PHF20: variants seen among roughly 807,000 people sequenced by gnomAD.
PHF20 encodes the protein glioma-expressed antigen 2.
Under a neutral mutation model 113.5 loss-of-function variants are expected in PHF20, and 23 were observed. The ratio of observed to expected loss-of-function variants is 0.20; its 90% confidence interval spans 0.15 to 0.29. The LOEUF is 0.29. Ranked by LOEUF, PHF20 falls within the 10% of genes least tolerant of loss-of-function variation. The pLI, the probability that PHF20 is intolerant of heterozygous loss-of-function variation, is 1.00. For synonymous variants in PHF20, 434 were observed against 457.3 expected, an observed-to-expected ratio of 0.95 and a Z score of 0.65; for missense variants, 943 against 1,219.6, an observed-to-expected ratio of 0.77 and a Z score of 3.38.
At chr20:35,906,191 G>A (rs56082129) in intron 10 of PHF20, among the ~76,000 whole-genome samples, 1 of 152,274 alleles carries the variant, frequency 6.6e-6, no homozygotes, top group Non-Finnish European at 1.5e-5. Flanking sequence ...ACTGGAGTGG[G>A]CACCTCTTCA....
rs1273285126 is a variant in PHF20 at position 35,950,217 on chromosome 20, T to A, written c.*2590T>A. On this transcript the variant is annotated 3_prime_UTR_variant, in exon 18 of 18. Transcript: ENST00000374012. ...AAGTGTATGCAAGGTGGATCCTTGA[T>A]GAGCCAACATTGCACTGTGGATACA... is the stretch of plus-strand genomic sequence containing the variant. 4.6e-5 allele frequency: 7 copies of A among 152,786 alleles called. No individual in the cohort carries two copies. In the East Asian group the frequency reaches 1.3e-3, roughly 29 times the overall value. 9.5% of individuals were successfully genotyped at this position (152,786 alleles called of 1,614,324 possible).
At chr20:35,931,465 G>T in intron 15 of PHF20, 21 bp downstream of exon 15, 1 of 1,587,936 alleles carries the variant, frequency 6.3e-7, no homozygotes, top group Non-Finnish European at 8.6e-7. Context: ...CACCTGCAGT[G>T]CTGGGAGCAG....
chr20:35,903,804 T>G (rs1039024402), intron 10 of PHF20, among the ~76,000 whole-genome samples: 1 of 152,212 alleles, frequency 6.6e-6, no homozygotes. Context: ...GTTTATCACG[T>G]AGCTGGCTAT....
At chr20:35,919,266 C>T (rs1387081643) in intron 13 of PHF20, among the ~76,000 whole-genome samples, 1 of 151,974 alleles carries the variant, frequency 6.6e-6, no homozygotes, top group African/African-American at 2.4e-5. Flanking sequence ...ATCCACCTGC[C>T]TTGGCCTCCC....
intron 4 of PHF20, among the ~76,000 whole-genome samples, chr20:35,852,115 A>T (rs1188437511): frequency 1.3e-5 from 2 of 152,054 alleles, no homozygotes; most frequent in Non-Finnish European, 2.9e-5. Context: ...TCACAGGGGG[A>T]AACTGCTTGA....
chr20:35,896,081 A>ATGTGTGTGTGTG (rs10633976), intron 9 of PHF20, among the ~76,000 whole-genome samples: 49 of 143,214 alleles, frequency 3.4e-4, no homozygotes, highest in African/African-American at 1.2e-3. Flanking sequence ...ATGCTTTGGG[A>ATGTGTGTGTGTG]TGTGTGTGTG....
intron 10 of PHF20, among the ~76,000 whole-genome samples, chr20:35,902,569 C>T (rs1164162745): frequency 3.3e-5 from 5 of 152,148 alleles, no homozygotes; most frequent in Non-Finnish European, 7.3e-5. Flanking sequence ...TGCACCTGAG[C>T]GTGGGGCAGG....
In PHF20 at chr20:35,860,564, T is replaced by TG. The variant is rs549294200; in HGVS notation, c.420+2184dup. On this transcript the variant is annotated intron_variant, in intron 5 of 17. Coordinates refer to ENST00000374012, the MANE Select transcript of PHF20 (RefSeq NM_016436.5). ...AGCCGATTCAAAGGATTTTGATACA[T>TG]GATACCTTTAGTGGTAACCTCAAGA... is the stretch of plus-strand genomic sequence containing the variant. Among the ~76,000 whole-genome samples the TG allele has an allele frequency of 3.5e-3, 536 of 152,298 alleles. 3 individuals carry two copies. The highest frequency in any genetic ancestry group is 0.011 in the African/African-American group (477 of 41,572).
chr20:35,808,763 G>A (rs1392011058), intron 2 of PHF20, among the ~76,000 whole-genome samples: 2 of 151,254 alleles, frequency 1.3e-5, no homozygotes, highest in African/African-American at 4.9e-5. Context: ...TAGTAGAGAC[G>A]GGGCTTCACC....
chr20:35,810,065 G>T (rs1239056617), intron 2 of PHF20, among the ~76,000 whole-genome samples: 1 of 152,100 alleles, frequency 6.6e-6, no homozygotes, highest in African/African-American at 2.4e-5. Context: ...AAGTAGCTGG[G>T]ACTACAGGCA....
chr20:35,836,976 C>A (rs1359709308), intron 2 of PHF20, among the ~76,000 whole-genome samples: 2 of 152,064 alleles, frequency 1.3e-5, no homozygotes, highest in African/African-American at 2.4e-5. Flanking sequence ...TTGAGACCAG[C>A]CTGAGCAACA....
chr20:35,877,814 A>T (rs1305851817), intron 9 of PHF20, among the ~76,000 whole-genome samples: 2 of 152,202 alleles, frequency 1.3e-5, no homozygotes, highest in African/African-American at 2.4e-5. Flanking sequence ...TTTACTAAAT[A>T]CCTGGTAGAA....
chr20:35,878,679 C>T, intron 9 of PHF20: 1 of 788,426 alleles, frequency 1.3e-6, no homozygotes. Flanking sequence ...GTTGTAGGAG[C>T]AATGACTGTT....
At chr20:35,839,151 G>T (rs1309858382) in intron 2 of PHF20, among the ~76,000 whole-genome samples, 1 of 151,996 alleles carries the variant, frequency 6.6e-6, no homozygotes, top group African/African-American at 2.4e-5. Flanking sequence ...AGCACTTTGG[G>T]AGGCCGAGGG....
At chr20:35,823,790 T>C (rs1357297007) in intron 2 of PHF20, among the ~76,000 whole-genome samples, 1 of 152,258 alleles carries the variant, frequency 6.6e-6, no homozygotes, top group Non-Finnish European at 1.5e-5. Flanking sequence ...TATACAGTTT[T>C]GCCTTTTCCA....
In PHF20 at chr20:35,852,798, C is replaced by T. The variant is rs570804459; in HGVS notation, c.340+5364C>T. On this transcript the variant is annotated intron_variant, in intron 4 of 17. Coordinates refer to ENST00000374012, the MANE Select transcript of PHF20 (RefSeq NM_016436.5). ...ATTTTTAGTAGAGACGGGGTTTCAC[C>T]GTGTTGGTTAGGCTGGTCTTGAACT... Among the ~76,000 whole-genome samples, 4 of 151,836 alleles carry T rather than the reference C, an allele frequency of 2.6e-5. No homozygotes were observed. The South Asian group carries it at 6.3e-4, about 24-fold the overall frequency.
Position 35,949,898 on chromosome 20 carries a change from C to A in PHF20, c.*2271C>A, listed in dbSNP as rs2056148572. Reference sequence around the variant, plus strand: ...TGAAACCCCGTCTCTACTAAAAGTACAAAAATTAGCTGGGCGTGGTGGCGG... The same window carrying A: ...TGAAACCCCGTCTCTACTAAAAGTAAAAAAATTAGCTGGGCGTGGTGGCGG... On this transcript the variant is annotated 3_prime_UTR_variant, in exon 18 of 18. Transcript: ENST00000374012. 6.6e-6 allele frequency: 1 copy of A among 152,266 alleles called. No individual in the cohort carries two copies. The highest frequency in any genetic ancestry group is 6.6e-5 in the Admixed American group (1 of 15,256). The allele number at this position is 152,266 out of a possible 1,614,324, so 9.4% of individuals were successfully genotyped here.
At chr20:35,850,296 G>GTGTTTTTTT in intron 4 of PHF20, among the ~76,000 whole-genome samples, 1 of 62,358 alleles carries the variant, frequency 1.6e-5, no homozygotes, top group Admixed American at 2.0e-4. Flanking sequence ...TTCCCCCTCC[G>GTGTTTTTTT]TTTTTTTTTT....
chr20:35,904,103 C>T (rs959593328), intron 10 of PHF20, among the ~76,000 whole-genome samples: 16 of 151,974 alleles, frequency 1.1e-4, no homozygotes, highest in South Asian at 2.1e-4. Flanking sequence ...GTTGGGGAGA[C>T]GTTTCACTGG....
Sources: gnomAD v4.1 joint callset for allele counts (sites outside exome capture counted in the v4.1 genomes callset) on GRCh38, gnomAD v4.1.1 for gene constraint, MANE v1.5 for transcripts, NCBI Gene and HGNC (gene_info 2026-07-23, HGNC 2026-07-21) for gene names.